The following DNAH10 variants were observed in gnomAD, a reference collection of about 807,000 sequenced individuals.
DNAH10 encodes the protein axonemal beta dynein heavy chain 10.
In DNAH10, 348 loss-of-function variants were observed where a neutral mutation model predicts 506.6. That is an observed-to-expected ratio of 0.69 (90% CI 0.63 to 0.75). The LOEUF (loss-of-function observed/expected upper bound fraction) is 0.75, where lower values mean the gene tolerates loss of function less well. Ranked by LOEUF, DNAH10 falls within the 30% of genes least tolerant of loss-of-function variation. The pLI is 0.00. For missense variants in DNAH10, 5,179 were observed against 5,787.1 expected, an observed-to-expected ratio of 0.89 and a Z score of 3.41; for synonymous variants, 2,059 against 2,198.6, an observed-to-expected ratio of 0.94 and a Z score of 1.78.
chr12:123,774,344 G>A lies in DNAH10; in HGVS notation c.621+80G>A, dbSNP rs1008472695. ...TTTGTTTATTCCACAAATAGGTAGCGGGCAGCTCTTCTGTCTCAGGTGCTG... is the reference window on the plus strand; with the variant it reads ...TTTGTTTATTCCACAAATAGGTAGCAGGCAGCTCTTCTGTCTCAGGTGCTG... On this transcript the variant is annotated intron_variant, in intron 5 of 78. Transcript: ENST00000673944. The A allele has an allele frequency of 4.3e-5, 46 of 1,073,962 alleles. 1 individual carries two copies. The South Asian group carries it at 4.5e-4, about 11-fold the overall frequency. 66.5% of individuals were successfully genotyped at this position (1,073,962 alleles called of 1,614,324 possible).
Position 123,930,595 on chromosome 12 carries a change from A to G in DNAH10, c.12784+22A>G, listed in dbSNP as rs764628519. ...GTTGGTGAGATTTCTCAGACATGAA[A>G]AGATGTTTTCAAGGCTTTTTCTAAG... is the stretch of plus-strand genomic sequence containing the variant. On this transcript the variant is annotated intron_variant, in intron 73 of 78. Transcript: ENST00000673944. 12 of 1,603,852 alleles carry G rather than the reference A, an allele frequency of 7.5e-6. No individual in the cohort carries two copies. The Admixed American group carries it at 2.1e-4, about 28-fold the overall frequency.
At chr12:123,824,190 G>A (rs922538243) in intron 24 of DNAH10, among the ~76,000 whole-genome samples, 3 of 152,108 alleles carry the variant, frequency 2.0e-5, no homozygotes, top group Non-Finnish European at 4.4e-5. Context: ...ACCTCCTGGA[G>A]GTGTGGATGT....
chr12:123,864,148 T>C (rs112962764), intron 39 of DNAH10, among the ~76,000 whole-genome samples: 46 of 141,172 alleles, frequency 3.3e-4, no homozygotes, highest in Admixed American at 5.5e-4. Flanking sequence ...TTTTTCTTTT[T>C]TTTTTTTTTT....
chr12:123,857,090 A>T lies in DNAH10; in HGVS notation c.6473A>T (p.Asn2158Ile), dbSNP rs2136808926. The stretch of plus-strand genomic sequence containing the variant: ...CTGATGAGGGCCTTGCGAGACATGA[A>T]CTTGCCCAAATTTGTGTTTGAAGAT... Reference protein sequence around the residue: ...VVLMRALRDMNLPKFVFEDVP... With the variant: ...VVLMRALRDMILPKFVFEDVP... The change falls in exon 37 of 79, where the codon AAC (asparagine) becomes ATC (isoleucine). Residue 2158 changes from asparagine (N) to isoleucine (I), a missense_variant. Around this residue, in one of 3 missense-constraint regions of DNAH10, gnomAD observed 4,844 missense variants for 5,430.5 expected, o/e 0.89. Transcript: ENST00000673944. The T allele has an allele frequency of 6.2e-7, 1 of 1,613,098 alleles. No homozygotes were observed. The highest frequency in any genetic ancestry group is 1.3e-5 in the African/African-American group (1 of 74,998).
intron 13 of DNAH10, among the ~76,000 whole-genome samples, chr12:123,797,388 T>TTC (rs1958318873): frequency 6.9e-6 from 1 of 144,940 alleles, no homozygotes; most frequent in Admixed American, 6.7e-5. Context: ...TCTTTTTCTT[T>TTC]TCTTTTTCTT....
Position 123,830,532 on chromosome 12 carries a change from T to C in DNAH10, c.4392-14T>C. On this transcript the variant is annotated splice_polypyrimidine_tract_variant and intron_variant, in intron 25 of 78. Transcript: ENST00000673944. ...TCAGTAAGCATAAAGATTTGAATGC[T>C]GATGTGCTTTCAGGCATTGGAAAGA... The C allele has an allele frequency of 6.2e-7, 1 of 1,610,406 alleles. No individual in the cohort carries two copies. The highest frequency in any genetic ancestry group is 8.5e-7 in the Non-Finnish European group (1 of 1,177,964).
At position 123,800,285 on chromosome 12, in the gene DNAH10, G is replaced by C. The variant is rs748413240; in HGVS notation, c.2359G>C (p.Ala787Pro). The C allele has an allele frequency of 6.2e-7, 1 of 1,613,972 alleles. No individual in the cohort carries two copies. The highest frequency in any genetic ancestry group is 2.2e-5 in the East Asian group (1 of 44,898). ...GAVFAINFSP[A>P]LREIINETKY... ...TGTTTTTGCAATCAACTTTTCACCGGCTCTCAGAGAGATTATTAATGAAAC... is the reference window on the plus strand; with the variant it reads ...TGTTTTTGCAATCAACTTTTCACCGCCTCTCAGAGAGATTATTAATGAAAC... The change falls in exon 15 of 79, where the codon GCT becomes CCT. Residue 787 changes from alanine (A) to proline (P), a missense_variant. Ala to Pro is a conservative substitution (Grantham distance 27). Around this residue, in one of 3 missense-constraint regions of DNAH10, gnomAD observed 4,844 missense variants for 5,430.5 expected, o/e 0.89. Coordinates refer to ENST00000673944, the MANE Select transcript of DNAH10 (RefSeq NM_001372106.1).
At chr12:123,847,199 T>C (rs1423538256) in intron 32 of DNAH10, among the ~76,000 whole-genome samples, 1 of 149,692 alleles carries the variant, frequency 6.7e-6, no homozygotes, top group African/African-American at 2.5e-5. Flanking sequence ...TCCATGTATC[T>C]ATCCATCCAT....
intron 28 of DNAH10, 38 bp downstream of exon 28, chr12:123,835,566 G>A: frequency 6.3e-7 from 1 of 1,590,498 alleles, no homozygotes; most frequent in Non-Finnish European, 8.6e-7. Context: ...TGAAAGAAGG[G>A]CAGCGATTTG....
chr12:123,806,848 A>G (rs1594074359), intron 18 of DNAH10, among the ~76,000 whole-genome samples: 1 of 150,476 alleles, frequency 6.6e-6, no homozygotes, highest in African/African-American at 2.4e-5. Context: ...GCTCGCTGCA[A>G]CCTCCGCCTT....
At chr12:123,788,691 G>T (rs1053647521) in intron 10 of DNAH10, among the ~76,000 whole-genome samples, 2 of 152,152 alleles carry the variant, frequency 1.3e-5, no homozygotes, top group Non-Finnish European at 2.9e-5. Context: ...ACTTTTTGAG[G>T]CTGGGGTGGG....
chr12:123,773,889 C>T (rs1024234852), intron 4 of DNAH10, among the ~76,000 whole-genome samples: 1 of 152,242 alleles, frequency 6.6e-6, no homozygotes, highest in Non-Finnish European at 1.5e-5. Flanking sequence ...GCGTTAGATA[C>T]TCCAACCAGA....
At chr12:123,931,239 G>A in intron 73 of DNAH10, 102 bp from the exon 74 acceptor site, 2 of 1,519,236 alleles carry the variant, frequency 1.3e-6, no homozygotes, top group South Asian at 2.6e-5. Context: ...CCTCTAAACA[G>A]TGGAAATTAG....
chr12:123,887,730 G>A (rs11057385), intron 52 of DNAH10, among the ~76,000 whole-genome samples: 11,914 of 151,742 alleles, frequency 0.079, 680 homozygotes, highest in East Asian at 0.22. Flanking sequence ...TTGAGACCCC[G>A]TCTTTACAAA....
intron 38 of DNAH10, among the ~76,000 whole-genome samples, chr12:123,860,508 T>C (rs1951570056): frequency 6.6e-6 from 1 of 152,228 alleles, no homozygotes; most frequent in Non-Finnish European, 1.5e-5. Flanking sequence ...CTATAGTTAG[T>C]GCTGCAGGGA....
chr12:123,901,819 C>T (rs1184839423), intron 56 of DNAH10, among the ~76,000 whole-genome samples: 1 of 152,090 alleles, frequency 6.6e-6, no homozygotes, highest in Non-Finnish European at 1.5e-5. Flanking sequence ...CGTCACCACG[C>T]CTAGCTAATT....
chr12:123,863,098 T>C (rs1951675644), intron 39 of DNAH10, among the ~76,000 whole-genome samples: 1 of 152,132 alleles, frequency 6.6e-6, no homozygotes, highest in Admixed American at 6.5e-5. Flanking sequence ...AACCAAAATG[T>C]TAATCCTGGA....
In DNAH10 at chr12:123,871,566, C is replaced by G. The variant is rs1219752969; in HGVS notation, c.7749C>G (p.Thr2583=). 5 of 1,551,314 alleles carry G rather than the reference C, an allele frequency of 3.2e-6. No individual in the cohort carries two copies. Among genetic ancestry groups the G allele is most frequent in the Non-Finnish European group, 2.6e-6 (3 of 1,147,114 alleles). Residue 2583 remains threonine, a synonymous_variant, in exon 45 of 79, where the codon ACC becomes ACG. Transcript: ENST00000673944. ...CTGGCACTTCTAAGACAGCCACTAC[C>G]CAGAATTTCCTCAAAAATCTGAGTG... ...GESGTSKTAT[T]QNFLKNLSEE...
intron 57 of DNAH10, among the ~76,000 whole-genome samples, chr12:123,904,389 A>T (rs1953677552): frequency 6.6e-6 from 1 of 152,210 alleles, no homozygotes; most frequent in Non-Finnish European, 1.5e-5. Flanking sequence ...TACCGGTGAT[A>T]GGATTTGGGC....
Sources: gnomAD v4.1 joint callset for allele counts (sites outside exome capture counted in the v4.1 genomes callset) on GRCh38, gnomAD v4.1.1 for gene constraint, gnomAD v4.1.1 regional missense constraint, MANE v1.5 for transcripts, NCBI Gene and HGNC (gene_info 2026-07-23, HGNC 2026-07-21) for gene names.